The following ADGRB3 variants were observed in gnomAD, a reference collection of about 807,000 sequenced individuals.
ADGRB3 encodes the protein adhesion G protein-coupled receptor B3.
In ADGRB3, 37 loss-of-function variants were observed where a neutral mutation model predicts 193.4. The observed-to-expected ratio is 0.19, with a 90% CI of 0.15 to 0.25. The LOEUF is 0.25. ADGRB3 is among the 10% of genes least tolerant of loss of function. ADGRB3 has a pLI of 1.00. For synonymous variants in ADGRB3, 690 were observed against 644.2 expected (o/e 1.07, Z -1.08); for missense variants, 1,637 against 1,852.9 (o/e 0.88, Z 2.14).
At chr6:68,861,255 A>G (rs1289056847) in intron 3 of ADGRB3, among the ~76,000 whole-genome samples, 2 of 152,116 alleles carry the variant, frequency 1.3e-5, no homozygotes, top group South Asian at 2.1e-4. Context: ...TTGCAACCCA[A>G]CTTCACTATT....
chr6:69,269,674 TA>T (rs1242673775), intron 20 of ADGRB3, among the ~76,000 whole-genome samples: 1 of 152,182 alleles, frequency 6.6e-6, no homozygotes, highest in Non-Finnish European at 1.5e-5. Flanking sequence ...ATAATTAGTT[TA>T]TAATATCATA....
chr6:69,349,502 A>G (rs1769177877), intron 26 of ADGRB3, among the ~76,000 whole-genome samples: 1 of 152,160 alleles, frequency 6.6e-6, no homozygotes, highest in South Asian at 2.1e-4. Flanking sequence ...GTCATTTAAT[A>G]TATTAATAAT....
chr6:69,271,897 C>T (rs1314751937), intron 20 of ADGRB3, among the ~76,000 whole-genome samples: 1 of 152,118 alleles, frequency 6.6e-6, no homozygotes, highest in African/African-American at 2.4e-5. Flanking sequence ...ATATTAAAAA[C>T]ATACGAATTT....
At chr6:68,913,050 G>A (rs1766764679) in intron 3 of ADGRB3, among the ~76,000 whole-genome samples, 1 of 152,188 alleles carries the variant, frequency 6.6e-6, no homozygotes. Flanking sequence ...GGTAAATAAA[G>A]CAGCCAGGAA....
intron 3 of ADGRB3, among the ~76,000 whole-genome samples, chr6:68,868,674 G>T (rs1765372696): frequency 6.6e-6 from 1 of 151,888 alleles, no homozygotes; most frequent in South Asian, 2.1e-4. Flanking sequence ...ATTTTATTTT[G>T]GGAAAAAATC....
intron 8 of ADGRB3, among the ~76,000 whole-genome samples, chr6:68,973,740 A>G (rs1414071412): frequency 6.6e-6 from 1 of 152,182 alleles, no homozygotes; most frequent in East Asian, 1.9e-4. Flanking sequence ...TCCCTAGCAA[A>G]TAGTGAAGAC....
chr6:68,644,135 C>G (rs1768149736), intron 3 of ADGRB3, among the ~76,000 whole-genome samples: 1 of 151,458 alleles, frequency 6.6e-6, no homozygotes, highest in African/African-American at 2.4e-5. Flanking sequence ...GGAAAGACAG[C>G]AATAAATAGG....
At chr6:68,877,897 G>C (rs1426829107) in intron 3 of ADGRB3, among the ~76,000 whole-genome samples, 3 of 151,812 alleles carry the variant, frequency 2.0e-5, no homozygotes, top group African/African-American at 7.3e-5. Flanking sequence ...AAAAAATGAG[G>C]TCAACCAATT....
chr6:68,649,910 T>C (rs1165604331), intron 3 of ADGRB3, among the ~76,000 whole-genome samples: 1 of 152,144 alleles, frequency 6.6e-6, no homozygotes, highest in Non-Finnish European at 1.5e-5. Flanking sequence ...CGCGCCTTAC[T>C]CCTTTAAGCC....
intron 17 of ADGRB3, among the ~76,000 whole-genome samples, chr6:69,095,125 C>CTTA (rs1284049982): frequency 1.3e-5 from 2 of 152,118 alleles, no homozygotes. Context: ...ATTGAATGGT[C>CTTA]TTATCATTTT....
chr6:69,322,754 C>T (rs975916793), intron 20 of ADGRB3, among the ~76,000 whole-genome samples: 5 of 151,794 alleles, frequency 3.3e-5, no homozygotes, highest in Admixed American at 6.6e-5. Context: ...GTTAGTTTTG[C>T]GACTTAAACC....
At chr6:69,372,360 T>G in intron 29 of ADGRB3, 46 bp from the exon 30 acceptor site, 1 of 1,136,606 alleles carries the variant, frequency 8.8e-7, no homozygotes, top group Non-Finnish European at 1.2e-6. Flanking sequence ...TGACTAAACA[T>G]AACTTTATTG....
At chr6:69,335,180 TTTC>T (rs1369486410) in intron 24 of ADGRB3, among the ~76,000 whole-genome samples, 1 of 152,274 alleles carries the variant, frequency 6.6e-6, no homozygotes, top group South Asian at 2.1e-4. Context: ...ACCCTTATTT[TTTC>T]TTATTTAATT....
chr6:69,052,322 A>G (rs974076037), intron 15 of ADGRB3, among the ~76,000 whole-genome samples: 1 of 152,246 alleles, frequency 6.6e-6, no homozygotes, highest in African/African-American at 2.4e-5. Flanking sequence ...ATTTTACTAT[A>G]TGTTTGTGTG....
rs113477087 is a variant in ADGRB3 at position 69,108,048 on chromosome 6, G to GA, written c.2480+32024dup. Among the ~76,000 whole-genome samples, 409 of 132,036 alleles carry GA rather than the reference G, an allele frequency of 3.1e-3. 1 individual carries two copies. Among genetic ancestry groups the GA allele is most frequent in the African/African-American group, 7.9e-3 (279 of 35,510 alleles). The allele number at this position is 132,036 out of a possible 152,430, so 86.6% of individuals were successfully genotyped here. ...ACCTTCCGAATCTAAAATAAAAATT[G>GA]AAAAAAAAAAAAAAGTCAGCCGAAG... On this transcript the variant is annotated intron_variant, in intron 17 of 31. Transcript: ENST00000370598.
At chr6:69,329,311 G>A (rs557848334) in intron 22 of ADGRB3, among the ~76,000 whole-genome samples, 11 of 152,160 alleles carry the variant, frequency 7.2e-5, no homozygotes, top group Middle Eastern at 3.4e-3. Flanking sequence ...GGAAAAGTAC[G>A]GTTTTATCTT....
At chr6:68,674,470 A>AT (rs1408262009) in intron 3 of ADGRB3, among the ~76,000 whole-genome samples, 1 of 152,140 alleles carries the variant, frequency 6.6e-6, no homozygotes. Context: ...TGAAAATCTT[A>AT]TTTTTCTATT....
At chr6:68,666,191 T>A (rs906548431) in intron 3 of ADGRB3, among the ~76,000 whole-genome samples, 3 of 151,850 alleles carry the variant, frequency 2.0e-5, no homozygotes, top group Non-Finnish European at 4.4e-5. Context: ...TAGCTCAGTG[T>A]TTAAGGCATG....
intron 3 of ADGRB3, among the ~76,000 whole-genome samples, chr6:68,817,304 C>CATAT (rs1767650281): frequency 1.8e-5 from 1 of 57,112 alleles, no homozygotes; most frequent in Non-Finnish European, 3.9e-5. Context: ...CCCTTTTGTC[C>CATAT]ATGTATATAT....
Sources: allele counts gnomAD v4.1 joint callset (sites outside exome capture counted in the v4.1 genomes callset), GRCh38; gene constraint gnomAD v4.1.1; transcripts MANE v1.5; gene names NCBI Gene and HGNC (gene_info 2026-07-23, HGNC 2026-07-21).